Variants in MAMLD1 observed in about 807,000 individuals in gnomAD.
MAMLD1 encodes mastermind-like domain-containing protein 1.
A neutral mutation model predicts 45.0 loss-of-function variants in MAMLD1; 14 were observed. The observed-to-expected ratio is 0.31, with a 90% CI of 0.21 to 0.49. The LOEUF is 0.49. Among genes scored for constraint, MAMLD1 ranks in the 20% least tolerant of loss-of-function variants. The pLI, the probability that MAMLD1 is intolerant of heterozygous loss-of-function variation, is 0.99. For missense variants in MAMLD1, 543 were observed against 603.6 expected (o/e 0.90, Z 1.05); for synonymous variants, 254 against 247.8 (o/e 1.02, Z -0.24).
chrX:150,469,635 GTCTC>G (rs781945210), intron 3 of MAMLD1, 106 bp from the exon 4 acceptor site: 647 of 366,193 alleles, frequency 1.8e-3, no homozygotes, highest in South Asian at 2.7e-3. Flanking sequence ...CTTTCTCTCT[GTCTC>G]TCTCTCTCTC....
intron 1 of MAMLD1, among the ~76,000 whole-genome samples, chrX:150,422,259 C>T (rs147741983): frequency 2.7e-5 from 3 of 112,359 alleles, no homozygotes; most frequent in Non-Finnish European, 3.8e-5. Context: ...TTACATAGAG[C>T]GTCTGTCTTT....
At chrX:150,405,757 A>G (rs2033977780) in intron 1 of MAMLD1, among the ~76,000 whole-genome samples, 1 of 111,513 alleles carries the variant, frequency 9.0e-6, no homozygotes, top group South Asian at 3.8e-4. Context: ...GACGAGGCTT[A>G]ATATCAGCGA....
chrX:150,509,656 C>A, intron 6 of MAMLD1: 1 of 327,565 alleles, frequency 3.1e-6, no homozygotes, highest in Non-Finnish European at 5.4e-6. Context: ...CTGACCCATC[C>A]TGAGCAGATG....
chrX:150,504,722 C>T (rs1349468466), intron 6 of MAMLD1: 2 of 750,471 alleles, frequency 2.7e-6, no homozygotes, highest in Non-Finnish European at 3.1e-6. Flanking sequence ...TGTCCCTCAC[C>T]TATTCTCTCT....
intron 1 of MAMLD1, among the ~76,000 whole-genome samples, chrX:150,398,339 AAGAG>A (rs2033592142): frequency 1.5e-5 from 1 of 67,400 alleles, no homozygotes; most frequent in African/African-American, 5.3e-5. Context: ...GAAGAAGAAG[AAGAG>A]GAAGAGGAAG....
At chrX:150,506,039 G>C (rs2037716581) in intron 6 of MAMLD1, among the ~76,000 whole-genome samples, 1 of 112,424 alleles carries the variant, frequency 8.9e-6, no homozygotes, top group Admixed American at 9.3e-5. Flanking sequence ...CATTGCAAAG[G>C]GAAAGTCAGA....
rs1557406542 is a variant in MAMLD1, at chrX:150,471,382, G to A, written c.1809G>A (p.Gln603=). 1.7e-6 allele frequency: 2 copies of A among 1,211,282 alleles called. No individual in the cohort carries two copies. The highest frequency in any genetic ancestry group is 2.2e-6 in the Non-Finnish European group (2 of 894,843). ...TLQLQQQQQQ[Q]QQQPDHSSFL... Reference sequence around the variant, plus strand: ...AGCTGCAGCAGCAGCAGCAGCAACAGCAGCAGCAGCCTGACCATTCTTCAT... The same window carrying A: ...AGCTGCAGCAGCAGCAGCAGCAACAACAGCAGCAGCCTGACCATTCTTCAT... Residue 603 remains glutamine (Q), a synonymous_variant, in exon 4 of 8, where the codon CAG becomes CAA. Transcript: ENST00000370401.
At chrX:150,398,656 C>T (rs1286460941) in intron 1 of MAMLD1, among the ~76,000 whole-genome samples, 1 of 111,546 alleles carries the variant, frequency 9.0e-6, no homozygotes, top group African/African-American at 3.3e-5. Flanking sequence ...AGACCAATAA[C>T]TCAATATAAC....
At chrX:150,505,696 C>T (rs2266841) in intron 6 of MAMLD1, among the ~76,000 whole-genome samples, 1 of 111,527 alleles carries the variant, frequency 9.0e-6, no homozygotes, top group South Asian at 3.8e-4. Context: ...TCATTACTCC[C>T]AGTGGTCCTG....
chrX:150,487,981 G>A (rs2037048976), intron 5 of MAMLD1, among the ~76,000 whole-genome samples: 1 of 112,770 alleles, frequency 8.9e-6, no homozygotes, highest in Admixed American at 9.3e-5. Context: ...TATTACAGTG[G>A]TGAACTATCA....
At chrX:150,469,710 C>T in intron 3 of MAMLD1, 35 bp from the exon 4 acceptor site, 2 of 1,116,890 alleles carry the variant, frequency 1.8e-6, no homozygotes, top group Non-Finnish European at 2.5e-6. Flanking sequence ...TTCTCCTCTC[C>T]TCTCTTCTCC....
intron 1 of MAMLD1, among the ~76,000 whole-genome samples, chrX:150,393,872 C>T (rs1557402215): frequency 9.0e-6 from 1 of 111,192 alleles, no homozygotes; most frequent in African/African-American, 3.3e-5. Flanking sequence ...TAAATGTTTT[C>T]TCCCACTCTA....
chrX:150,375,639 C>T (rs1017352228), intron 1 of MAMLD1, among the ~76,000 whole-genome samples: 4 of 112,445 alleles, frequency 3.6e-5, no homozygotes, highest in Non-Finnish European at 7.5e-5. Context: ...TGAGGTGTCT[C>T]CCTACCCATT....
intron 1 of MAMLD1, among the ~76,000 whole-genome samples, chrX:150,407,296 G>A (rs2034022693): frequency 8.9e-6 from 1 of 111,878 alleles, no homozygotes; most frequent in African/African-American, 3.2e-5. Flanking sequence ...TCAAGGTAGT[G>A]ATATTTGAAG....
At chrX:150,494,008 G>A (rs2037275159) in intron 5 of MAMLD1, among the ~76,000 whole-genome samples, 1 of 111,274 alleles carries the variant, frequency 9.0e-6, no homozygotes, top group Non-Finnish European at 1.9e-5. Flanking sequence ...TCACATTACT[G>A]GTATCAAGTT....
intron 1 of MAMLD1, among the ~76,000 whole-genome samples, chrX:150,377,634 A>G (rs1375955605): frequency 1.8e-5 from 2 of 111,251 alleles, no homozygotes; most frequent in Non-Finnish European, 3.8e-5. Context: ...CTTTGATCTC[A>G]ATACCTTCTC....
intron 5 of MAMLD1, among the ~76,000 whole-genome samples, chrX:150,478,799 G>A (rs1296375689): frequency 5.3e-5 from 6 of 112,370 alleles, no homozygotes; most frequent in African/African-American, 1.9e-4. Flanking sequence ...TAAACATGAT[G>A]GTACATACAA....
chrX:150,465,613 C>G (rs781995336), intron 3 of MAMLD1, among the ~76,000 whole-genome samples: 2 of 112,407 alleles, frequency 1.8e-5, no homozygotes, highest in Non-Finnish European at 3.8e-5. Flanking sequence ...ACTCCCTCCC[C>G]CTTCCTCACC....
At chrX:150,364,850 C>T (rs966299540) in intron 1 of MAMLD1, among the ~76,000 whole-genome samples, 14 of 113,205 alleles carry the variant, frequency 1.2e-4, no homozygotes, top group African/African-American at 4.1e-4. Context: ...GGAATTGCGC[C>T]GCCCCCAGCG....
Sources: allele counts gnomAD v4.1 joint callset (sites outside exome capture counted in the v4.1 genomes callset), GRCh38; gene constraint gnomAD v4.1.1; transcripts MANE v1.5; gene names NCBI Gene and HGNC (gene_info 2026-07-23, HGNC 2026-07-21).